Variants in ASPM observed in about 807,000 individuals in gnomAD.
ASPM encodes abnormal spindle-like microcephaly-associated protein.
ASPM carries 256 observed loss-of-function variants against 366.4 expected under a neutral mutation model. The ratio of observed to expected loss-of-function variants is 0.70; its 90% CI spans 0.63 to 0.77. The LOEUF (loss-of-function observed/expected upper bound fraction) is 0.77. Ranked by LOEUF, ASPM falls within the 30% of genes least tolerant of loss-of-function variation. The pLI, the probability that ASPM is intolerant of heterozygous loss-of-function variation, is 0.00. For synonymous variants in ASPM, 1,414 were observed against 1,342.9 expected (o/e 1.05, Z -1.16); for missense variants, 4,146 against 4,090.4 (o/e 1.01, Z -0.37).
intron 4 of ASPM, among the ~76,000 whole-genome samples, chr1:197,135,565 T>C (rs1191601847): frequency 1.3e-5 from 2 of 151,516 alleles, no homozygotes; most frequent in Non-Finnish European, 2.9e-5. Flanking sequence ...AATATATTCA[T>C]AGAATTTATA....
At chr1:197,134,249 A>AT (rs1469686362) in intron 5 of ASPM, among the ~76,000 whole-genome samples, 1 of 52,566 alleles carries the variant, frequency 1.9e-5, no homozygotes, top group Non-Finnish European at 8.7e-5. Flanking sequence ...ATAAAAAATA[A>AT]TAAAAAAAAA....
intron 4 of ASPM, among the ~76,000 whole-genome samples, chr1:197,136,354 A>G (rs1658419937): frequency 3.3e-5 from 5 of 152,226 alleles, no homozygotes; most frequent in Admixed American, 2.0e-4. Context: ...AACAAGCATA[A>G]AAACAGTATT....
In ASPM at chr1:197,096,032, G is replaced by A; in HGVS notation, c.8953C>T (p.Gln2985Ter). The A allele has an allele frequency of 6.2e-7, 1 of 1,609,360 alleles. No homozygotes were observed. Among genetic ancestry groups the A allele is most frequent in the Non-Finnish European group, 8.5e-7 (1 of 1,176,624 alleles). ...TCTAGTTTGGTATAGAAGCAACCTT[G>A]AATAATTTTAACAGCTTTTAATATA... ...LAILKAVKIIQGCFYTKLERT... is the reference protein window; with the variant it reads ...LAILKAVKII The change falls in exon 19 of 28, where the codon CAA becomes TAA. Residue 2985 changes from glutamine to a stop codon, truncating the protein, a stop_gained. Coordinates refer to ENST00000367409, the MANE Select transcript of ASPM (RefSeq NM_018136.5). LOFTEE classifies it high-confidence loss of function.
Position 197,103,673 on chromosome 1 carries a change from C to T in ASPM, c.5578G>A (p.Ala1860Thr). 6.2e-7 allele frequency: 1 copy of T among 1,612,842 alleles called. No homozygotes were observed. Among genetic ancestry groups the T allele is most frequent in the Non-Finnish European group, 8.5e-7 (1 of 1,179,348 alleles). Residue 1860 changes from alanine to threonine, a missense_variant, in exon 18 of 28, where the codon GCG becomes ACG. By Grantham distance (58) the Ala-to-Thr change is moderately conservative. Coordinates refer to ENST00000367409, the MANE Select transcript of ASPM (RefSeq NM_018136.5). ...CTTGTATCATGAAGAGTCTTGTACG[C>T]CCTGTACCATCTCTGAATCTTTATT... Reference protein sequence around the residue: ...SIIKIQRWYRAYKTLHDTRTH... With the variant: ...SIIKIQRWYRTYKTLHDTRTH...
rs753406334 is a variant in ASPM at position 197,104,519 on chromosome 1, G to A, written c.4732C>T (p.Arg1578Ter). ...ATAGTCTTCTTAAGGTTTAAAAATCGAACTCTGTCTTGTCTCATTCTCCAG... is the reference window on the plus strand; with the variant it reads ...ATAGTCTTCTTAAGGTTTAAAAATCAAACTCTGTCTTGTCTCATTCTCCAG... ...SYWRMRQDRV[R>*]FLNLKKTIIK... The change falls in exon 18 of 28, where the codon CGA (arginine) becomes TGA (stop). Residue 1578 changes from arginine (R) to a stop codon, truncating the protein, a stop_gained. Coordinates refer to ENST00000367409, the MANE Select transcript of ASPM (RefSeq NM_018136.5). LOFTEE classifies it high-confidence loss of function. 9.3e-6 allele frequency: 15 copies of A among 1,612,290 alleles called. No individual in the cohort carries two copies. The highest frequency in any genetic ancestry group is 3.3e-5 in the South Asian group (3 of 91,046).
chr1:197,113,686 A>G (rs920435472), intron 17 of ASPM, among the ~76,000 whole-genome samples: 2 of 152,146 alleles, frequency 1.3e-5, no homozygotes, highest in Non-Finnish European at 2.9e-5. Flanking sequence ...TAAGATATAA[A>G]ACAGTAAGTT....
chr1:197,125,774 GA>G (rs1468609763), intron 10 of ASPM, among the ~76,000 whole-genome samples: 4 of 151,930 alleles, frequency 2.6e-5, no homozygotes, highest in African/African-American at 9.7e-5. Context: ...ATACACGCAC[GA>G]ATATTTGAGT....
In ASPM at chr1:197,104,169, T is replaced by A. The variant is rs777929585; in HGVS notation, c.5082A>T (p.Thr1694=). ...CTCTTAAATGCAAATATTGTTTACG[T>A]GTTTGTTTCATCTTAACAGTTGACT... ...KLQSTVKMKQ[T]RKQYLHLRAA... Residue 1694 remains threonine (T), a synonymous_variant, in exon 18 of 28, where the codon ACA becomes ACT. Transcript: ENST00000367409. 1.9e-6 allele frequency: 3 copies of A among 1,612,666 alleles called. No individual in the cohort carries two copies. Among genetic ancestry groups the A allele is most frequent in the Admixed American group, 3.3e-5 (2 of 59,762 alleles).
At position 197,102,164 on chromosome 1, in the gene ASPM, C is replaced by A. The variant is rs373863699; in HGVS notation, c.7087G>T (p.Val2363Leu). ...TTTGCTTGGTATTGCTGTTGGATCA[C>A]AACGGAGGCCTGTTTCAAAGCCTGA... is the stretch of plus-strand genomic sequence containing the variant. ...RYQALKQASV[V>L]IQQQYQANRA... The change falls in exon 18 of 28, where the codon GTG (valine) becomes TTG (leucine). Residue 2363 changes from valine (V) to leucine (L), a missense_variant. Transcript: ENST00000367409. 9 of 1,612,672 alleles carry A rather than the reference C, an allele frequency of 5.6e-6. No individual in the cohort carries two copies. The African/African-American group carries it at 1.1e-4, about 19-fold the overall frequency.
Position 197,138,990 on chromosome 1 carries a change from C to T in ASPM, c.2026+777G>A, listed in dbSNP as rs1007846587. ...AAATCTGTTTCAACTCTTCTTCTCT[C>T]TGACATTGATCATAGCACTCTTGTC... On this transcript the variant is annotated intron_variant, in intron 4 of 27. Transcript: ENST00000367409. 8.3e-6 allele frequency: 6 copies of T among 722,676 alleles called. No individual in the cohort carries two copies. The African/African-American group carries it at 1.1e-4, about 13-fold the overall frequency. 44.8% of individuals were successfully genotyped at this position (722,676 alleles called of 1,614,324 possible).
At chr1:197,135,405 T>C (rs973919388) in intron 4 of ASPM, among the ~76,000 whole-genome samples, 163 bp from the exon 5 acceptor site, 2 of 152,154 alleles carry the variant, frequency 1.3e-5, no homozygotes, top group Non-Finnish European at 2.9e-5. Flanking sequence ...GGGTAAGAAA[T>C]GTAATCAGAG....
At chr1:197,099,060 C>T (rs1285159994) in intron 18 of ASPM, among the ~76,000 whole-genome samples, 2 of 151,428 alleles carry the variant, frequency 1.3e-5, no homozygotes, top group East Asian at 3.9e-4. Flanking sequence ...ACATGGCTTG[C>T]CTCCTTGTTC....
intron 3 of ASPM, 23 bp downstream of exon 3, chr1:197,142,308 T>G (rs368143432): frequency 6.2e-7 from 1 of 1,610,052 alleles, no homozygotes; most frequent in East Asian, 2.2e-5. Context: ...TATACTTCAG[T>G]AGATTTTATA....
chr1:197,100,528 T>C lies in ASPM; in HGVS notation c.8723A>G (p.Gln2908Arg), dbSNP rs886496465. The change falls in exon 18 of 28, where the codon CAG (glutamine) becomes CGG (arginine). Residue 2908 changes from glutamine to arginine, a missense_variant. Physicochemically the swap from Gln to Arg is conservative, Grantham distance 43. Transcript: ENST00000367409. Reference sequence around the variant, plus strand: ...AATAATGATAACACTGCTTCTGATCTGTAAATAGACTTGTCTTTGATGTTT... The same window carrying C: ...AATAATGATAACACTGCTTCTGATCCGTAAATAGACTTGTCTTTGATGTTT... ...SAKHQRQVYL[Q>R]IRSSVIIIQA... The C allele has an allele frequency of 3.1e-6, 5 of 1,611,236 alleles. No individual in the cohort carries two copies. In the African/African-American group the frequency reaches 4.0e-5, roughly 13 times the overall value.
In ASPM at chr1:197,101,055, T is replaced by G; in HGVS notation, c.8196A>C (p.Arg2732Ser). The change falls in exon 18 of 28, where the codon AGA becomes AGC. Residue 2732 changes from arginine (R) to serine (S), a missense_variant. Arg to Ser is a moderately radical substitution (Grantham distance 110). Coordinates refer to ENST00000367409, the MANE Select transcript of ASPM (RefSeq NM_018136.5). ...ATTTCTGAACTGCTAAAAAGTTTTTTCTTTCTGTTTTTACTCTAACATACA... is the reference window on the plus strand; with the variant it reads ...ATTTCTGAACTGCTAAAAAGTTTTTGCTTTCTGTTTTTACTCTAACATACA... ...YRLYVRVKTE[R>S]KNFLAVQKSV... 1 of 1,611,504 alleles carries G rather than the reference T, an allele frequency of 6.2e-7. No homozygotes were observed. The highest frequency in any genetic ancestry group is 8.5e-7 in the Non-Finnish European group (1 of 1,178,790).
chr1:197,102,515 T>A lies in ASPM; in HGVS notation c.6736A>T (p.Ile2246Phe), dbSNP rs886045769. Reference protein sequence around the residue: ...YNKLRHSVIYIQAIFRGKKAR... With the variant: ...YNKLRHSVIYFQAIFRGKKAR... ...TTCTTTCCCCTAAAAATAGCCTGAA[T>A]GTATATTACAGAATGCCTCAGTTTG... is the stretch of plus-strand genomic sequence containing the variant. The change falls in exon 18 of 28, where the codon ATT becomes TTT. Residue 2246 changes from isoleucine to phenylalanine, a missense_variant. Physicochemically the swap from Ile to Phe is conservative, Grantham distance 21 (BLOSUM62 0). Transcript: ENST00000367409. 1.2e-6 allele frequency: 2 copies of A among 1,612,564 alleles called. No homozygotes were observed. The highest frequency in any genetic ancestry group is 1.7e-6 in the Non-Finnish European group (2 of 1,179,154).
intron 20 of ASPM, 45 bp from the exon 21 acceptor site, chr1:197,093,306 A>C (rs1334052204): frequency 6.7e-7 from 1 of 1,487,502 alleles, no homozygotes; most frequent in South Asian, 1.1e-5. Flanking sequence ...TAGAAAGAAA[A>C]AGATTTCCAA....
Position 197,142,535 on chromosome 1 carries a change from G to T in ASPM, c.1717C>A (p.Arg573=), listed in dbSNP as rs144049904. The part of the protein sequence containing the change: ...TPSSTTASVA[R]KRKSDGSMED... ...ATGCTTCCATCGCTCTTTCTTTTCC[G>T]AGCAACTGAAGCTGTTGTCGAAGAG... is the stretch of plus-strand genomic sequence containing the variant. Residue 573 remains arginine, a synonymous_variant, in exon 3 of 28, where the codon CGG becomes AGG. Transcript: ENST00000367409. The T allele has an allele frequency of 6.2e-7, 1 of 1,613,902 alleles. No homozygotes were observed. Among genetic ancestry groups the T allele is most frequent in the South Asian group, 1.1e-5 (1 of 91,070 alleles).
At chr1:197,115,480 T>A (rs1303907407) in intron 17 of ASPM, among the ~76,000 whole-genome samples, 2 of 152,224 alleles carry the variant, frequency 1.3e-5, no homozygotes, top group East Asian at 1.9e-4. Context: ...CCTAAAATGA[T>A]GAATCCTTTC....
Sources: gnomAD v4.1 joint callset for allele counts (sites outside exome capture counted in the v4.1 genomes callset) on GRCh38, gnomAD v4.1.1 for gene constraint, MANE v1.5 for transcripts, NCBI Gene and HGNC (gene_info 2026-07-23, HGNC 2026-07-21) for gene names.